RBM6: variants seen among roughly 807,000 people sequenced by gnomAD.
RBM6 encodes RNA binding motif protein 6, also known as RNA-binding protein 6.
A neutral mutation model predicts 140.4 loss-of-function variants in RBM6; 23 were observed. The ratio of observed to expected loss-of-function variants is 0.16; its 90% CI spans 0.12 to 0.23. The LOEUF is 0.23. Ranked by LOEUF, RBM6 falls within the 10% of genes least tolerant of loss-of-function variation. The probability of loss-of-function intolerance (pLI) is 1.00; values close to 1 mark genes in which losing one functional copy is unlikely to be tolerated. For missense variants in RBM6, 1,139 were observed against 1,386.7 expected (o/e 0.82, Z 2.84); for synonymous variants, 439 against 475.6 (o/e 0.92, Z 1.00).
chr3:50,057,089 A>T (rs2089730789), intron 8 of RBM6, among the ~76,000 whole-genome samples: 1 of 152,250 alleles, frequency 6.6e-6, no homozygotes, highest in Non-Finnish European at 1.5e-5. Context: ...ATCATTGATT[A>T]TGATAGTCAG....
intron 6 of RBM6, among the ~76,000 whole-genome samples, chr3:50,021,726 G>A (rs1159399082): frequency 7.3e-6 from 1 of 137,678 alleles, no homozygotes; most frequent in Non-Finnish European, 1.5e-5. Flanking sequence ...TCTCCATACT[G>A]AGGAATTTAA....
At chr3:49,984,473 G>T (rs2085454275) in intron 5 of RBM6, among the ~76,000 whole-genome samples, 1 of 152,134 alleles carries the variant, frequency 6.6e-6, no homozygotes, top group African/African-American at 2.4e-5. Flanking sequence ...CTGGGCTGGT[G>T]GTGTATGCCT....
At chr3:50,061,874 C>T (rs905462055) in intron 14 of RBM6, 88 bp from the exon 15 acceptor site, 8 of 1,500,004 alleles carry the variant, frequency 5.3e-6, no homozygotes, top group African/African-American at 2.8e-5. Context: ...TTGTTTCTTC[C>T]CCTAAAAGGG....
At chr3:50,040,660 C>CT (rs746163790) in intron 6 of RBM6, among the ~76,000 whole-genome samples, 5,076 of 135,754 alleles carry the variant, frequency 0.037, 114 homozygotes, top group Non-Finnish European at 0.057. Context: ...GAGCAGAATT[C>CT]TTTTTTTTTT....
At chr3:50,046,346 G>A (rs1025181808) in intron 6 of RBM6, among the ~76,000 whole-genome samples, 17 of 151,474 alleles carry the variant, frequency 1.1e-4, no homozygotes, top group Admixed American at 5.3e-4. Context: ...TTGGGAGGCC[G>A]AGGTGGGCGG....
chr3:49,993,411 G>A (rs562451498), intron 5 of RBM6, among the ~76,000 whole-genome samples: 1 of 152,176 alleles, frequency 6.6e-6, no homozygotes, highest in Admixed American at 6.5e-5. Context: ...GGAGGCCAAG[G>A]CGTGTGGATA....
chr3:50,044,484 G>A (rs1264947639), intron 6 of RBM6, among the ~76,000 whole-genome samples: 2 of 151,800 alleles, frequency 1.3e-5, no homozygotes, highest in Non-Finnish European at 2.9e-5. Flanking sequence ...TCGAGAGGCC[G>A]AGGCAGGAGA....
chr3:49,982,233 C>T (rs1023576524), intron 5 of RBM6, among the ~76,000 whole-genome samples: 5 of 150,066 alleles, frequency 3.3e-5, no homozygotes, highest in Non-Finnish European at 7.4e-5. Context: ...GTAGCAAAGG[C>T]CCTGTACCTT....
In RBM6 at chr3:50,077,014, G is replaced by A. The variant is rs1188083260; in HGVS notation, c.3253G>A (p.Gly1085Ser). ...PGLASSEEAE[G>S]RMRGPSVGAS... ...GTTTGTCTTTGTTTTACAGGCTGAA[G>A]GCCGGATGAGGGGCCCCAGTGTTGG... The change falls in exon 21 of 21, where the codon GGC (glycine) becomes AGC (serine). Residue 1085 changes from glycine (G) to serine (S), a missense_variant. Physicochemically the swap from Gly to Ser is moderately conservative, Grantham distance 56 (BLOSUM62 0). Coordinates refer to ENST00000266022, the MANE Select transcript of RBM6 (RefSeq NM_005777.3). The A allele has an allele frequency of 4.3e-6, 7 of 1,610,384 alleles. No homozygotes were observed. The highest frequency in any genetic ancestry group is 5.9e-6 in the Non-Finnish European group (7 of 1,179,070).
intron 5 of RBM6, among the ~76,000 whole-genome samples, chr3:49,995,594 G>A (rs1329118766): frequency 2.0e-5 from 3 of 151,570 alleles, no homozygotes; most frequent in Non-Finnish European, 4.4e-5. Flanking sequence ...TATGAGATCT[G>A]TAAATTTAGG....
chr3:50,027,893 C>T (rs1369543685), intron 6 of RBM6, among the ~76,000 whole-genome samples: 1 of 152,172 alleles, frequency 6.6e-6, no homozygotes. Flanking sequence ...TACCAGCTAT[C>T]CCCAGATGCG....
intron 6 of RBM6, among the ~76,000 whole-genome samples, chr3:50,006,305 T>C (rs2086572371): frequency 6.6e-6 from 1 of 151,886 alleles, no homozygotes; most frequent in South Asian, 2.1e-4. Context: ...CTGGCTAATT[T>C]TTGTATTTTC....
intron 10 of RBM6, 170 bp downstream of exon 10, chr3:50,058,732 G>T (rs2089816662): frequency 3.6e-6 from 2 of 551,452 alleles, no homozygotes; most frequent in Non-Finnish European, 6.2e-6. Flanking sequence ...GGCTAACACG[G>T]TGAAACCCTG....
intron 1 of RBM6, among the ~76,000 whole-genome samples, chr3:49,944,038 T>A (rs919088059): frequency 1.3e-5 from 2 of 152,174 alleles, no homozygotes; most frequent in Admixed American, 1.3e-4. Flanking sequence ...TTTTTAAGTG[T>A]GCTACTTAGT....
Position 49,967,655 on chromosome 3 carries a change from C to T in RBM6, c.230C>T (p.Ala77Val). The T allele has an allele frequency of 6.2e-7, 1 of 1,614,078 alleles. No individual in the cohort carries two copies. The highest frequency in any genetic ancestry group is 2.2e-5 in the East Asian group (1 of 44,870). Residue 77 changes from alanine to valine, a missense_variant, in exon 3 of 21, where the codon GCT (alanine) becomes GTT (valine). This residue lies in a region of RBM6 where 566 missense variants were observed against 612.7 expected (regional missense o/e 0.92). Coordinates refer to ENST00000266022, the MANE Select transcript of RBM6 (RefSeq NM_005777.3). The surrounding 1 kb of genome is among the most constrained non-coding windows in gnomAD (Gnocchi z 4.0). ...NVEEHSFSYGARDGPHGDYRG... is the reference protein window; with the variant it reads ...NVEEHSFSYGVRDGPHGDYRG... ...GAGGAGCATTCTTTCAGCTATGGAG[C>T]TAGAGACGGACCGCATGGTGACTAT... is the stretch of plus-strand genomic sequence containing the variant.
intron 5 of RBM6, among the ~76,000 whole-genome samples, chr3:49,984,590 C>CA (rs1405612893): frequency 1.4e-5 from 1 of 71,044 alleles, no homozygotes; most frequent in Non-Finnish European, 2.8e-5. Context: ...AACGTGACAT[C>CA]ACATCACATC....
At chr3:50,048,468 C>A in intron 7 of RBM6, 149 bp downstream of exon 7, 1 of 1,434,982 alleles carries the variant, frequency 7.0e-7, no homozygotes, top group Non-Finnish European at 9.1e-7. Flanking sequence ...GAGGTCAAGA[C>A]AAGGTCATTC....
chr3:50,001,034 C>T (rs1408037776), intron 6 of RBM6, among the ~76,000 whole-genome samples: 2 of 152,130 alleles, frequency 1.3e-5, no homozygotes, highest in Non-Finnish European at 2.9e-5. Context: ...TCTCATTGAC[C>T]ATTTGTTCAG....
chr3:50,065,677 A>C (rs2090099431), intron 16 of RBM6: 1 of 455,410 alleles, frequency 2.2e-6, no homozygotes, highest in East Asian at 6.9e-5. Flanking sequence ...ATTTTGAGTG[A>C]TCATAGACCA....
Sources: gnomAD v4.1 joint callset for allele counts (sites outside exome capture counted in the v4.1 genomes callset) on GRCh38, gnomAD v4.1.1 for gene constraint, gnomAD v4.1.1 regional missense constraint, Gnocchi (gnomAD v3.1) non-coding constraint, MANE v1.5 for transcripts, NCBI Gene and HGNC (gene_info 2026-07-23, HGNC 2026-07-21) for gene names.